The following LCP1 variants were observed in gnomAD, a reference collection of about 807,000 sequenced individuals.
The protein encoded by LCP1 is lymphocyte cytosolic protein 1, also known as plastin-2.
LCP1 carries 23 observed loss-of-function variants against 72.0 expected under a neutral mutation model. That is an observed-to-expected ratio of 0.32 (90% CI 0.23 to 0.45). The LOEUF (loss-of-function observed/expected upper bound fraction) is 0.45, where lower values mean the gene tolerates loss of function less well. Among genes scored for constraint, LCP1 ranks in the 20% least tolerant of loss-of-function variants. The pLI is 1.00. For synonymous variants in LCP1, 245 were observed against 275.4 expected, an observed-to-expected ratio of 0.89 and a Z score of 1.09; for missense variants, 571 against 748.3, an observed-to-expected ratio of 0.76 and a Z score of 2.76.
intron 4 of LCP1, 108 bp downstream of exon 4, chr13:46,158,414 C>A (rs142413989): frequency 3.1e-5 from 40 of 1,275,232 alleles, no homozygotes; most frequent in Non-Finnish European, 3.9e-5. Context: ...TGGGAGTCAT[C>A]CATAAAGCTG....
intron 13 of LCP1, 97 bp from the exon 14 acceptor site, chr13:46,134,347 C>A: frequency 1.9e-6 from 2 of 1,071,964 alleles, no homozygotes; most frequent in South Asian, 1.5e-5. Flanking sequence ...TCGGGTATGT[C>A]ATAGAAGACA....
At chr13:46,141,580 A>G (rs2045699264) in intron 13 of LCP1, among the ~76,000 whole-genome samples, 1 of 152,280 alleles carries the variant, frequency 6.6e-6, no homozygotes, top group South Asian at 2.1e-4. Flanking sequence ...GAAGACAGTG[A>G]AACTATCTTT....
Position 46,145,908 on chromosome 13 carries a change from C to CA in LCP1, c.1174+999dup, listed in dbSNP as rs527364466. 4.6e-3 allele frequency among the ~76,000 whole-genome samples: 52 copies of CA among 11,362 alleles called. 15 individuals carry two copies. The highest frequency in any genetic ancestry group is 5.6e-3 in the Non-Finnish European group (43 of 7,736). The allele number at this position is 11,362 out of a possible 152,430, so 7.5% of individuals were successfully genotyped here. Reference sequence around the variant, plus strand: ...TGGGCGACAGAGCGAGACTCCGTCTCAAAAAAAAAAAAAAAAAAAAAAAAA... The same window carrying CA: ...TGGGCGACAGAGCGAGACTCCGTCTCAAAAAAAAAAAAAAAAAAAAAAAAAA... On this transcript the variant is annotated intron_variant, in intron 10 of 15. Transcript: ENST00000323076.
chr13:46,141,224 G>A (rs967739236), intron 13 of LCP1, among the ~76,000 whole-genome samples: 1 of 151,802 alleles, frequency 6.6e-6, no homozygotes, highest in Non-Finnish European at 1.5e-5. Flanking sequence ...TGTCCAACAC[G>A]GTGAAACCCC....
At chr13:46,148,831 T>C in intron 8 of LCP1, 1 of 908,052 alleles carries the variant, frequency 1.1e-6, no homozygotes, top group Non-Finnish European at 1.3e-6. Flanking sequence ...TAAAAAAAAG[T>C]GACAGAAAAA....
chr13:46,145,631 C>CAATGGTTGGGGGTGGGA (rs1157019155), intron 10 of LCP1, among the ~76,000 whole-genome samples: 24 of 78,164 alleles, frequency 3.1e-4, no homozygotes, highest in Admixed American at 7.5e-4. Context: ...GAGGGCAGGC[C>CAATGGTTGGGGGTGGGA]GGGCGCGGTG....
rs768084208 is a variant in LCP1 at position 46,134,203 on chromosome 13, T to A, written c.1550A>T (p.Asn517Ile). 6.2e-7 allele frequency: 1 copy of A among 1,613,088 alleles called. No homozygotes were observed. The highest frequency in any genetic ancestry group is 1.1e-5 in the South Asian group (1 of 91,070). ...CACCCAGTTGACAATAATGTCATCA[T>A]TGACCTTCTGGCCACCACCAATTTC... ...LEEIGGGQKV[N>I]DDIIVNWVNE... The change falls in exon 14 of 16, where the codon AAT (asparagine) becomes ATT (isoleucine). Residue 517 changes from asparagine (N) to isoleucine (I), a missense_variant. Coordinates refer to ENST00000323076, the MANE Select transcript of LCP1 (RefSeq NM_002298.5).
chr13:46,142,952 G>C (rs2045707427), intron 12 of LCP1, among the ~76,000 whole-genome samples: 1 of 152,204 alleles, frequency 6.6e-6, no homozygotes, highest in Non-Finnish European at 1.5e-5. Flanking sequence ...GTTTGAACAA[G>C]TCAAGCTGTC....
chr13:46,173,169 A>G (rs750809813), intron 1 of LCP1, among the ~76,000 whole-genome samples: 1 of 152,214 alleles, frequency 6.6e-6, no homozygotes, highest in Non-Finnish European at 1.5e-5. Flanking sequence ...ATCATTATAT[A>G]TTGTTTTTAA....
intron 1 of LCP1, among the ~76,000 whole-genome samples, chr13:46,164,337 G>A (rs1391987363): frequency 1.3e-5 from 2 of 152,212 alleles, no homozygotes; most frequent in East Asian, 3.9e-4. Flanking sequence ...GGTATAATGG[G>A]AAATTTTTTT....
Position 46,156,530 on chromosome 13 carries a change from G to A in LCP1, c.399C>T (p.Ala133=). 6.2e-7 allele frequency: 1 copy of A among 1,614,072 alleles called. No individual in the cohort carries two copies. Among genetic ancestry groups the A allele is most frequent in the East Asian group, 2.2e-5 (1 of 44,884 alleles). The change falls in exon 5 of 16, where the codon GCC becomes GCT. Residue 133 remains alanine (A), a synonymous_variant. Transcript: ENST00000323076. ...GCCGACAATCAGGATCATTTTCCAG[G>A]GCTTTGTTTATCCAGTTGACAAAGG... ...KYAFVNWINK[A]LENDPDCRHV... is the part of the protein sequence containing the mutation.
At chr13:46,168,024 A>G (rs1747052719) in intron 1 of LCP1, among the ~76,000 whole-genome samples, 1 of 152,266 alleles carries the variant, frequency 6.6e-6, no homozygotes, top group African/African-American at 2.4e-5. Context: ...AAATAAAAAT[A>G]TAAAATACCT....
At chr13:46,129,571 A>G (rs144462503) in intron 15 of LCP1, among the ~76,000 whole-genome samples, 35 of 152,086 alleles carry the variant, frequency 2.3e-4, no homozygotes, top group Non-Finnish European at 3.8e-4. Context: ...ATCACAATCT[A>G]TTGTAATTTT....
intron 15 of LCP1, among the ~76,000 whole-genome samples, chr13:46,128,758 G>A (rs1177193487): frequency 6.6e-6 from 1 of 152,136 alleles, no homozygotes; most frequent in East Asian, 1.9e-4. Context: ...AGCTGCATCA[G>A]AACATTTTTG....
chr13:46,179,751 G>A (rs1014975037), intron 1 of LCP1, among the ~76,000 whole-genome samples: 45 of 152,174 alleles, frequency 3.0e-4, no homozygotes, highest in Middle Eastern at 3.4e-3. Context: ...TAGCAGTGGC[G>A]GGGGAGGGGA....
Position 46,127,616 on chromosome 13 carries a change from A to G in LCP1, c.1859T>C (p.Met620Thr), listed in dbSNP as rs777499149. Reference protein sequence around the residue: ...KMVMTVFACLMGKGMKRV With the variant: ...KMVMTVFACLTGKGMKRV ...TCACACCCTCTTCATTCCTTTCCCCATGAGGCAGGCAAACACGGTCATGAC... is the reference window on the plus strand; with the variant it reads ...TCACACCCTCTTCATTCCTTTCCCCGTGAGGCAGGCAAACACGGTCATGAC... The change falls in exon 16 of 16, where the codon ATG becomes ACG. Residue 620 changes from methionine (M) to threonine (T), a missense_variant. Coordinates refer to ENST00000323076, the MANE Select transcript of LCP1 (RefSeq NM_002298.5). 7 of 1,614,108 alleles carry G rather than the reference A, an allele frequency of 4.3e-6. No individual in the cohort carries two copies. Among genetic ancestry groups the G allele is most frequent in the Non-Finnish European group, 5.9e-6 (7 of 1,180,006 alleles).
Position 46,142,407 on chromosome 13 carries a change from C to T in LCP1, c.1387G>A (p.Ala463Thr), listed in dbSNP as rs541702713. 42 of 1,613,610 alleles carry T rather than the reference C, an allele frequency of 2.6e-5. No individual in the cohort carries two copies. Among genetic ancestry groups the T allele is most frequent in the African/African-American group, 2.5e-4 (19 of 74,958 alleles). The change falls in exon 13 of 16, where the codon GCG becomes ACG. Residue 463 changes from alanine to threonine, a missense_variant. Coordinates refer to ENST00000323076, the MANE Select transcript of LCP1 (RefSeq NM_002298.5). ...GCTTGATTCTTCCCCAATTCTACCGCGTAGTTACAATTCTCAAGCTGAATG... is the reference window on the plus strand; with the variant it reads ...GCTTGATTCTTCCCCAATTCTACCGTGTAGTTACAATTCTCAAGCTGAATG... ...NMKKLENCNY[A>T]VELGKNQAKF...
At chr13:46,149,921 T>C (rs986242028) in intron 8 of LCP1, among the ~76,000 whole-genome samples, 1 of 152,216 alleles carries the variant, frequency 6.6e-6, no homozygotes, top group African/African-American at 2.4e-5. Context: ...AGAAGAATGT[T>C]AATAGCCCAT....
intron 15 of LCP1, among the ~76,000 whole-genome samples, chr13:46,129,086 C>T (rs908805768): frequency 9.2e-5 from 14 of 152,262 alleles, no homozygotes; most frequent in African/African-American, 3.1e-4. Flanking sequence ...AATTTTTCCC[C>T]ATTATAAAAC....
Sources: allele counts gnomAD v4.1 joint callset (sites outside exome capture counted in the v4.1 genomes callset), GRCh38; gene constraint gnomAD v4.1.1; transcripts MANE v1.5; gene names NCBI Gene and HGNC (gene_info 2026-07-23, HGNC 2026-07-21).